Variants in CDH19 observed in about 807,000 individuals in gnomAD.
CDH19 encodes the protein cadherin-19.
CDH19 carries 67 observed loss-of-function variants against 64.2 expected under a neutral mutation model. The ratio of observed to expected loss-of-function variants is 1.04; its 90% CI spans 0.86 to 1.28. CDH19 has a LOEUF of 1.28. Ranked by LOEUF, CDH19 falls within the 50% of genes most tolerant of loss-of-function variation. The probability of loss-of-function intolerance (pLI) is 0.00; values close to 1 mark genes in which losing one functional copy is unlikely to be tolerated. For synonymous variants in CDH19, 346 were observed against 319.3 expected (o/e 1.08, Z -0.89); for missense variants, 1,030 against 929.0 (o/e 1.11, Z -1.41).
At chr18:66,586,420 A>AAGC (rs1988580072) in intron 1 of CDH19, among the ~76,000 whole-genome samples, 2 of 152,116 alleles carry the variant, frequency 1.3e-5, no homozygotes, top group South Asian at 2.1e-4. Flanking sequence ...CAAATACTAT[A>AAGC]AAGCCTTCGT....
intron 1 of CDH19, among the ~76,000 whole-genome samples, chr18:66,593,739 T>G (rs1421342053): frequency 2.0e-5 from 3 of 152,110 alleles, no homozygotes; most frequent in Non-Finnish European, 4.4e-5. Flanking sequence ...CGGCCTTCAA[T>G]TAAGAAAAAT....
In CDH19 at chr18:66,582,127, T is replaced by C. The variant is rs148074651; in HGVS notation, c.-112-9811A>G. Among the ~76,000 whole-genome samples the C allele has an allele frequency of 3.3e-5, 5 of 152,296 alleles. No homozygotes were observed. In the East Asian group the frequency reaches 9.7e-4, roughly 29 times the overall value. ...TTTGTTTACATTGAATAAAGATCTA[T>C]AAATTACATTTTAACGTTTGGACCA... On this transcript the variant is annotated intron_variant, in intron 1 of 11. Transcript: ENST00000262150.
At chr18:66,550,430 T>G (rs1463416008) in intron 5 of CDH19, among the ~76,000 whole-genome samples, 1 of 152,152 alleles carries the variant, frequency 6.6e-6, no homozygotes, top group Admixed American at 6.5e-5. Flanking sequence ...CAAATTCCCC[T>G]GAACGCATAA....
At chr18:66,547,541 G>GT (rs2144500611) in intron 5 of CDH19, among the ~76,000 whole-genome samples, 1 of 152,046 alleles carries the variant, frequency 6.6e-6, no homozygotes, top group East Asian at 1.9e-4. Flanking sequence ...AATAAGCAAG[G>GT]TTTTGGCTTG....
intron 4 of CDH19, among the ~76,000 whole-genome samples, chr18:66,552,061 G>C (rs1987363876): frequency 1.3e-5 from 2 of 151,950 alleles, no homozygotes; most frequent in African/African-American, 2.4e-5. Flanking sequence ...TACTAGAGAG[G>C]GGAAGGAGGG....
intron 1 of CDH19, among the ~76,000 whole-genome samples, chr18:66,572,668 A>G (rs549492141): frequency 5.9e-5 from 9 of 151,780 alleles, no homozygotes; most frequent in African/African-American, 2.2e-4. Flanking sequence ...AATACAAACT[A>G]TCTCATTAAA....
chr18:66,502,000 C>G lies in CDH19; in HGVS notation c.*2812G>C, dbSNP rs1157563001. 2 of 151,952 alleles carry G rather than the reference C, an allele frequency of 1.3e-5. No individual in the cohort carries two copies. The highest frequency in any genetic ancestry group is 2.4e-5 in the African/African-American group (1 of 41,402). 9.4% of individuals were successfully genotyped at this position (151,952 alleles called of 1,614,324 possible). ...GTCAACTAAGGGAGATATTTAAGTA[C>G]TGTGGGTATTAATGTGAAGCTGTGC... On this transcript the variant is annotated 3_prime_UTR_variant, in exon 12 of 12. Transcript: ENST00000262150.
intron 3 of CDH19, among the ~76,000 whole-genome samples, chr18:66,555,640 T>G (rs1987490826): frequency 6.6e-6 from 1 of 151,764 alleles, no homozygotes; most frequent in South Asian, 2.1e-4. Flanking sequence ...TTTTTGCCTC[T>G]CTTTTCCAAA....
At chr18:66,559,662 A>AT (rs1987647549) in intron 3 of CDH19, among the ~76,000 whole-genome samples, 1 of 143,276 alleles carries the variant, frequency 7.0e-6, no homozygotes, top group Non-Finnish European at 1.6e-5. Context: ...ATAAAAGTGC[A>AT]TTTTTTAATA....
At chr18:66,573,801 C>T (rs1006561696) in intron 1 of CDH19, among the ~76,000 whole-genome samples, 4 of 150,936 alleles carry the variant, frequency 2.7e-5, no homozygotes, top group Admixed American at 1.3e-4. Flanking sequence ...TCAGTAATTA[C>T]CAACACATGG....
chr18:66,568,133 T>C (rs1453125201), intron 3 of CDH19, among the ~76,000 whole-genome samples: 3 of 151,870 alleles, frequency 2.0e-5, no homozygotes, highest in African/African-American at 4.8e-5. Flanking sequence ...CTTAAGAACC[T>C]AGTAAATGAA....
chr18:66,517,450 C>T (rs1985787243), intron 9 of CDH19, among the ~76,000 whole-genome samples: 1 of 151,830 alleles, frequency 6.6e-6, no homozygotes, highest in African/African-American at 2.4e-5. Context: ...GGCAAATTAC[C>T]CTGATGTCAG....
chr18:66,524,445 T>G (rs1010628860), intron 9 of CDH19, among the ~76,000 whole-genome samples: 18 of 150,954 alleles, frequency 1.2e-4, no homozygotes, highest in Non-Finnish European at 1.5e-5. Context: ...GAGAGTAGAT[T>G]TTAAGTGTTC....
intron 9 of CDH19, among the ~76,000 whole-genome samples, chr18:66,526,659 G>T (rs144646938): frequency 6.6e-6 from 1 of 152,112 alleles, no homozygotes; most frequent in East Asian, 1.9e-4. Context: ...ATATTATCAA[G>T]ATACTTGTCT....
At chr18:66,568,833 TTACA>T in intron 2 of CDH19, 123 bp from the exon 3 acceptor site, 2 of 772,082 alleles carry the variant, frequency 2.6e-6, no homozygotes, top group Non-Finnish European at 4.0e-6. Context: ...TATTTCCACA[TTACA>T]TTAAATGAGG....
At chr18:66,559,045 G>A (rs965678540) in intron 3 of CDH19, among the ~76,000 whole-genome samples, 10 of 151,744 alleles carry the variant, frequency 6.6e-5, no homozygotes, top group African/African-American at 2.2e-4. Context: ...TCCCATCCCC[G>A]GTCATCCCAT....
At chr18:66,551,063 G>A in intron 5 of CDH19, 31 bp downstream of exon 5, 1 of 1,230,834 alleles carries the variant, frequency 8.1e-7, no homozygotes. Flanking sequence ...TATTTATAAT[G>A]TAATGAAGAT....
chr18:66,564,707 T>C (rs1987842420), intron 3 of CDH19, among the ~76,000 whole-genome samples: 3 of 151,888 alleles, frequency 2.0e-5, no homozygotes, highest in South Asian at 4.1e-4. Context: ...AATATCAATA[T>C]CTATTTATTA....
intron 1 of CDH19, among the ~76,000 whole-genome samples, chr18:66,576,538 A>G (rs186118499): frequency 6.6e-6 from 1 of 151,734 alleles, no homozygotes; most frequent in African/African-American, 2.4e-5. Context: ...ATAAAACAAT[A>G]TCATTTCATA....
Sources: gnomAD v4.1 joint callset for allele counts (sites outside exome capture counted in the v4.1 genomes callset) on GRCh38, gnomAD v4.1.1 for gene constraint, MANE v1.5 for transcripts, NCBI Gene and HGNC (gene_info 2026-07-23, HGNC 2026-07-21) for gene names.